The following KIRREL3 variants were observed in gnomAD, a reference collection of about 807,000 sequenced individuals.
The protein encoded by KIRREL3 is kin of IRRE-like protein 3.
KIRREL3 carries 36 observed loss-of-function variants against 89.7 expected under a neutral mutation model. The observed-to-expected ratio is 0.40, with a 90% CI of 0.31 to 0.53. The LOEUF (loss-of-function observed/expected upper bound fraction) is 0.53, where lower values mean the gene tolerates loss of function less well. KIRREL3 is among the 20% of genes least tolerant of loss of function. The pLI, the probability that KIRREL3 is intolerant of heterozygous loss-of-function variation, is 0.49. For missense variants in KIRREL3, 864 were observed against 1,056.6 expected, an observed-to-expected ratio of 0.82 and a Z score of 2.53; for synonymous variants, 445 against 441.4, an observed-to-expected ratio of 1.01 and a Z score of -0.10.
rs940380551 is a variant in KIRREL3 at position 126,431,837 on chromosome 11, G to A, written c.1589-311C>T. Among the ~76,000 whole-genome samples the A allele has an allele frequency of 1.3e-5, 2 of 152,172 alleles. No homozygotes were observed. The highest frequency in any genetic ancestry group is 2.4e-5 in the African/African-American group (1 of 41,436). On this transcript the variant is annotated intron_variant, in intron 13 of 16. Transcript: ENST00000525144. The surrounding 1 kb of genome is among the most constrained non-coding windows in gnomAD (Gnocchi z 7.1). ...GGGAGGGCCAGGGGACAGGAAGACC[G>A]GAGATGAGGGGTGGGGCTGGCACGA...
chr11:126,967,954 G>A (rs1334728416), intron 1 of KIRREL3, among the ~76,000 whole-genome samples: 2 of 152,258 alleles, frequency 1.3e-5, no homozygotes, highest in African/African-American at 2.4e-5. Flanking sequence ...TATAGTAAGA[G>A]GACAAACAAC....
In KIRREL3 at chr11:126,443,410, G is replaced by A. The variant is rs1349280275; in HGVS notation, c.1252+1569C>T. Among the ~76,000 whole-genome samples, 1 of 152,206 alleles carries A rather than the reference G, an allele frequency of 6.6e-6. No homozygotes were observed. The highest frequency in any genetic ancestry group is 2.4e-5 in the African/African-American group (1 of 41,456). On this transcript the variant is annotated intron_variant, in intron 10 of 16. Coordinates refer to ENST00000525144, the MANE Select transcript of KIRREL3 (RefSeq NM_032531.4). The surrounding 1 kb of genome is among the most constrained non-coding windows in gnomAD (Gnocchi z 7.3). ...TGTTGCCATGGATATACGGAGGCGC[G>A]ATCAGATGCTGTTATTTTTAGCCCT...
chr11:126,494,203 G>A (rs1957598645), intron 4 of KIRREL3, among the ~76,000 whole-genome samples: 1 of 152,162 alleles, frequency 6.6e-6, no homozygotes, highest in Admixed American at 6.5e-5. Context: ...AATGAGATAA[G>A]CAAAGAAGTA....
intron 1 of KIRREL3, among the ~76,000 whole-genome samples, chr11:126,731,335 C>A (rs1948609352): frequency 6.6e-6 from 1 of 152,180 alleles, no homozygotes. Context: ...TCTCAAATGA[C>A]CCTATCCCAG....
At chr11:126,425,932 TG>T (rs1019549868) in intron 15 of KIRREL3, among the ~76,000 whole-genome samples, 42 of 151,798 alleles carry the variant, frequency 2.8e-4, no homozygotes, top group African/African-American at 1.0e-3. Context: ...GGTGAGTAGG[TG>T]AGGTGAGGGG....
At chr11:126,577,829 A>G (rs956580841) in intron 1 of KIRREL3, among the ~76,000 whole-genome samples, 1 of 151,960 alleles carries the variant, frequency 6.6e-6, no homozygotes, top group African/African-American at 2.4e-5. Context: ...CTTCAGAGAG[A>G]ATAGCTGAGT....
At chr11:127,000,841 C>A (rs115633552), upstream of KIRREL3, 42 of 433,166 alleles carry the variant, frequency 9.7e-5, no homozygotes, top group Non-Finnish European at 1.5e-4. This position sits in a 1 kb window ranked among gnomAD's most constrained non-coding sequence, Gnocchi z 7.1. Flanking sequence ...GAGCTAGTGA[C>A]GAGTGACAGA....
rs939506982 is a variant in KIRREL3 at position 126,512,678 on chromosome 11, CCA to C, written c.433+8635_433+8636del. ...TCGAGGTCCTGACTTTTGCAAATCT[CCA>C]CAGTCTGAGCTCACTTTTTGCTGAG... On this transcript the variant is annotated intron_variant, in intron 4 of 16. Transcript: ENST00000525144. Among the ~76,000 whole-genome samples, 7 of 152,182 alleles carry C rather than the reference CCA, an allele frequency of 4.6e-5. No homozygotes were observed. The South Asian group carries it at 6.2e-4, about 13-fold the overall frequency.
At chr11:126,633,770 T>A (rs1433679128) in intron 1 of KIRREL3, among the ~76,000 whole-genome samples, 2 of 152,242 alleles carry the variant, frequency 1.3e-5, no homozygotes, top group Non-Finnish European at 2.9e-5. Flanking sequence ...CTGTCTTGTC[T>A]TCCTTTTCCA....
rs149005467 is a variant in KIRREL3, at chr11:126,501,162, G to A, written c.433+20153C>T. 1.2e-4 allele frequency among the ~76,000 whole-genome samples: 19 copies of A among 152,308 alleles called. No individual in the cohort carries two copies. The highest frequency in any genetic ancestry group is 2.1e-4 in the South Asian group (1 of 4,822). On this transcript the variant is annotated intron_variant, in intron 4 of 16. Coordinates refer to ENST00000525144, the MANE Select transcript of KIRREL3 (RefSeq NM_032531.4). The surrounding 1 kb of genome is among the most constrained non-coding windows in gnomAD (Gnocchi z 5.8). ...GACACTACTGGTGGACAGCTGGTCC[G>A]TCCCACACTTTTCTCTGCACGTCTG...
At position 126,471,904 on chromosome 11, in the gene KIRREL3, G is replaced by A. The variant is rs529331998; in HGVS notation, c.591+1405C>T. 5.9e-5 allele frequency among the ~76,000 whole-genome samples: 9 copies of A among 152,280 alleles called. No individual in the cohort carries two copies. The East Asian group carries it at 9.6e-4, about 16-fold the overall frequency. ...CAGGGTGCTTCCAGCCCTTGGTATC[G>A]TGTGTGAATTAGAGACCAGAACCCC... On this transcript the variant is annotated intron_variant, in intron 5 of 16. Coordinates refer to ENST00000525144, the MANE Select transcript of KIRREL3 (RefSeq NM_032531.4). This position sits in a 1 kb window ranked among gnomAD's most constrained non-coding sequence, Gnocchi z 5.4.
In KIRREL3 at chr11:126,626,003, C is replaced by T. The variant is rs1943769091; in HGVS notation, c.56-63091G>A. 3.9e-5 allele frequency among the ~76,000 whole-genome samples: 6 copies of T among 152,302 alleles called. No homozygotes were observed. The South Asian group carries it at 1.2e-3, about 32-fold the overall frequency. On this transcript the variant is annotated intron_variant, in intron 1 of 16. Coordinates refer to ENST00000525144, the MANE Select transcript of KIRREL3 (RefSeq NM_032531.4). Reference sequence around the variant, plus strand: ...GCTGTGTCTTTGTCATTTTTGTCCTCTTGTTGGCATGCAGTAAGTGTACTA... The same window carrying T: ...GCTGTGTCTTTGTCATTTTTGTCCTTTTGTTGGCATGCAGTAAGTGTACTA...
Position 126,748,799 on chromosome 11 carries a change from C to T in KIRREL3, c.56-185887G>A, listed in dbSNP as rs779513394. Among the ~76,000 whole-genome samples, 49 of 152,212 alleles carry T rather than the reference C, an allele frequency of 3.2e-4. No homozygotes were observed. The highest frequency in any genetic ancestry group is 2.5e-4 in the Non-Finnish European group (17 of 68,028). ...ACTGTGCATGGGATCCTTTTGTAAT[C>T]TGTAGGCTTCAGTCTATCCAGTGCC... On this transcript the variant is annotated intron_variant, in intron 1 of 16. Transcript: ENST00000525144. The surrounding 1 kb of genome is among the most constrained non-coding windows in gnomAD (Gnocchi z 4.6).
intron 1 of KIRREL3, among the ~76,000 whole-genome samples, chr11:126,728,705 T>G (rs1226663778): frequency 6.6e-6 from 1 of 152,154 alleles, no homozygotes; most frequent in East Asian, 1.9e-4. Context: ...TACTTGTCAG[T>G]GGAGTGAAGC....
At chr11:126,478,045 C>G (rs796122809) in intron 4 of KIRREL3, among the ~76,000 whole-genome samples, 1 of 152,244 alleles carries the variant, frequency 6.6e-6, no homozygotes, top group South Asian at 2.1e-4. Flanking sequence ...CCAGCACTTA[C>G]GGCCCTCGCT....
Position 126,685,207 on chromosome 11 carries a change from T to C in KIRREL3, c.56-122295A>G, listed in dbSNP as rs528004167. On this transcript the variant is annotated intron_variant, in intron 1 of 16. Coordinates refer to ENST00000525144, the MANE Select transcript of KIRREL3 (RefSeq NM_032531.4). This position sits in a 1 kb window ranked among gnomAD's most constrained non-coding sequence, Gnocchi z 5.5. Reference sequence around the variant, plus strand: ...CTCAAGATGTGCTGAGAGCAGAGGATAGCCCCAGCTCTGCTCTGGGGAGTC... The same window carrying C: ...CTCAAGATGTGCTGAGAGCAGAGGACAGCCCCAGCTCTGCTCTGGGGAGTC... Among the ~76,000 whole-genome samples the C allele has an allele frequency of 2.0e-5, 3 of 152,288 alleles. No individual in the cohort carries two copies. In the South Asian group the frequency reaches 6.2e-4, roughly 32 times the overall value.
At chr11:126,786,289 A>G (rs1049647087) in intron 1 of KIRREL3, among the ~76,000 whole-genome samples, 2 of 152,344 alleles carry the variant, frequency 1.3e-5, no homozygotes, top group East Asian at 1.9e-4. Context: ...AAAAGACTCA[A>G]AGGAAATTCA....
chr11:126,610,084 C>G lies in KIRREL3; in HGVS notation c.56-47172G>C, dbSNP rs1473355778. Among the ~76,000 whole-genome samples the G allele has an allele frequency of 2.6e-5, 4 of 152,084 alleles. No individual in the cohort carries two copies. The highest frequency in any genetic ancestry group is 6.6e-5 in the Admixed American group (1 of 15,264). The stretch of plus-strand genomic sequence containing the variant: ...GTTAGGCCTGACCTGACTCCAAAAT[C>G]TGTGCTGTTAACTTTTTTTTTTTTG... On this transcript the variant is annotated intron_variant, in intron 1 of 16. Coordinates refer to ENST00000525144, the MANE Select transcript of KIRREL3 (RefSeq NM_032531.4). This position sits in a 1 kb window ranked among gnomAD's most constrained non-coding sequence, Gnocchi z 4.6.
At chr11:126,592,501 A>ACCCT (rs1942185724) in intron 1 of KIRREL3, among the ~76,000 whole-genome samples, 1 of 152,142 alleles carries the variant, frequency 6.6e-6, no homozygotes, top group African/African-American at 2.4e-5. Context: ...TTTCTCCTAC[A>ACCCT]CCCTGTAGCT....
Sources: allele counts gnomAD v4.1 joint callset (sites outside exome capture counted in the v4.1 genomes callset), GRCh38; gene constraint gnomAD v4.1.1; non-coding constraint Gnocchi (gnomAD v3.1); transcripts MANE v1.5; gene names NCBI Gene and HGNC (gene_info 2026-07-23, HGNC 2026-07-21).